The following THSD7A variants were observed in gnomAD, a reference collection of about 807,000 sequenced individuals.
THSD7A encodes the protein thrombospondin type-1 domain-containing protein 7A.
In THSD7A, 96 loss-of-function variants were observed where a neutral mutation model predicts 231.3. That is an observed-to-expected ratio of 0.41 (90% confidence interval 0.35 to 0.49). The LOEUF is 0.49. Ranked by LOEUF, THSD7A falls within the 20% of genes least tolerant of loss-of-function variation. The pLI, the probability that THSD7A is intolerant of heterozygous loss-of-function variation, is 0.05. For missense variants in THSD7A, 2,290 were observed against 2,070.2 expected, an observed-to-expected ratio of 1.11 and a Z score of -2.06; for synonymous variants, 940 against 743.3, an observed-to-expected ratio of 1.26 and a Z score of -4.30.
intron 1 of THSD7A, among the ~76,000 whole-genome samples, chr7:11,647,535 G>A (rs987711182): frequency 6.6e-6 from 1 of 152,036 alleles, no homozygotes; most frequent in Non-Finnish European, 1.5e-5. Context: ...TGAGTATGTA[G>A]AAAGTCCAGT....
intron 2 of THSD7A, among the ~76,000 whole-genome samples, chr7:11,624,886 T>C (rs1482986222): frequency 1.3e-5 from 2 of 152,136 alleles, no homozygotes; most frequent in African/African-American, 4.8e-5. Flanking sequence ...ATGTTCTCCT[T>C]CACCTATTTT....
intron 9 of THSD7A, among the ~76,000 whole-genome samples, chr7:11,463,592 T>G (rs996268152): frequency 9.9e-5 from 15 of 152,104 alleles, no homozygotes; most frequent in African/African-American, 3.4e-4. Context: ...CGTTGTGGGG[T>G]GTCGTCTGTA....
intron 6 of THSD7A, among the ~76,000 whole-genome samples, chr7:11,517,451 A>C (rs1323536141): frequency 1.3e-5 from 2 of 151,908 alleles, no homozygotes; most frequent in Non-Finnish European, 2.9e-5. Context: ...TGCCCTCCTG[A>C]AACAGGGAAT....
At chr7:11,415,112 C>T (rs79214984) in intron 17 of THSD7A, among the ~76,000 whole-genome samples, 6,221 of 152,328 alleles carry the variant, frequency 0.041, 190 homozygotes, top group Non-Finnish European at 0.062. Flanking sequence ...TACTCTTGTG[C>T]AATCACTGAG....
chr7:11,496,568 A>G (rs1787108833), intron 6 of THSD7A, among the ~76,000 whole-genome samples: 1 of 152,142 alleles, frequency 6.6e-6, no homozygotes, highest in Non-Finnish European at 1.5e-5. Context: ...TACAGAGATG[A>G]TAGATATTCC....
intron 13 of THSD7A, among the ~76,000 whole-genome samples, chr7:11,429,434 T>C (rs1281800198): frequency 6.6e-6 from 1 of 152,206 alleles, no homozygotes; most frequent in Non-Finnish European, 1.5e-5. Flanking sequence ...TGCCATATCA[T>C]TCTCATGCTG....
chr7:11,579,515 G>C (rs1015084224), intron 4 of THSD7A, among the ~76,000 whole-genome samples: 2 of 152,176 alleles, frequency 1.3e-5, no homozygotes, highest in Non-Finnish European at 2.9e-5. Context: ...TCCCTTGATA[G>C]TGTCAGGTTA....
chr7:11,475,732 G>A (rs1057031516), intron 7 of THSD7A, among the ~76,000 whole-genome samples: 6 of 150,346 alleles, frequency 4.0e-5, no homozygotes, highest in Non-Finnish European at 8.9e-5. Context: ...TGTAAAAATT[G>A]AACAAGTTAA....
chr7:11,408,084 T>A (rs1415523485), intron 19 of THSD7A, among the ~76,000 whole-genome samples: 1 of 152,198 alleles, frequency 6.6e-6, no homozygotes, highest in Non-Finnish European at 1.5e-5. Context: ...GATAATAATG[T>A]TGTGCCATTT....
At chr7:11,482,115 G>A (rs1426373232) in intron 6 of THSD7A, 133 bp from the exon 7 acceptor site, 1 of 930,416 alleles carries the variant, frequency 1.1e-6, no homozygotes, top group Admixed American at 2.9e-5. Context: ...AGCCAAAAGA[G>A]GGATTGCCTA....
intron 1 of THSD7A, among the ~76,000 whole-genome samples, chr7:11,653,448 ATGTGTGTGTGTGTGTGTGTG>A (rs60933989): frequency 8.7e-5 from 11 of 127,132 alleles, no homozygotes; most frequent in African/African-American, 1.2e-4. Flanking sequence ...ACTCCCAGAT[ATGTGTGTGTGTGTGTGTGTG>A]TGTGTGTGTG....
chr7:11,624,386 T>A (rs1380856872), intron 2 of THSD7A, among the ~76,000 whole-genome samples: 7 of 152,100 alleles, frequency 4.6e-5, no homozygotes, highest in Non-Finnish European at 8.8e-5. Flanking sequence ...AGGCTTCTTT[T>A]CAAAAGTTAT....
intron 1 of THSD7A, among the ~76,000 whole-genome samples, chr7:11,654,182 T>G (rs1475043979): frequency 6.6e-6 from 1 of 151,938 alleles, no homozygotes; most frequent in Non-Finnish European, 1.5e-5. Flanking sequence ...CACTTCCAAG[T>G]TTCTTAAGAA....
In THSD7A at chr7:11,407,054, T is replaced by G. The variant is rs758208716; in HGVS notation, c.3918A>C (p.Gly1306=). Residue 1306 remains glycine (G), a splice_region_variant and synonymous_variant, in exon 21 of 28, where the codon GGA becomes GGC. Coordinates refer to ENST00000423059, the MANE Select transcript of THSD7A (RefSeq NM_015204.3). ...TCACTGTTCGTCTTCGGATCATTTT[T>G]CCTTGAAGAGATACAAAGTGATGCA... ...SECSQTCGLT[G]KMIRRRTVTQ... 1 of 1,613,678 alleles carries G rather than the reference T, an allele frequency of 6.2e-7. No homozygotes were observed. Among genetic ancestry groups the G allele is most frequent in the South Asian group, 1.1e-5 (1 of 90,996 alleles).
intron 6 of THSD7A, among the ~76,000 whole-genome samples, chr7:11,538,356 G>C (rs1338953948): frequency 6.6e-6 from 1 of 151,642 alleles, no homozygotes; most frequent in East Asian, 1.9e-4. Flanking sequence ...CATTTTTTTT[G>C]GCAGAGGAGA....
At chr7:11,775,201 T>C (rs1783361972) in intron 1 of THSD7A, among the ~76,000 whole-genome samples, 1 of 152,172 alleles carries the variant, frequency 6.6e-6, no homozygotes, top group South Asian at 2.1e-4. Flanking sequence ...AAATAACAAG[T>C]GTTAATAAGG....
intron 1 of THSD7A, among the ~76,000 whole-genome samples, chr7:11,650,683 G>A (rs1782464853): frequency 6.6e-6 from 1 of 152,010 alleles, no homozygotes; most frequent in Non-Finnish European, 1.5e-5. Context: ...TTGCATCTGT[G>A]TGAATCTGGT....
chr7:11,623,103 T>A (rs1562777289), intron 2 of THSD7A, among the ~76,000 whole-genome samples: 1 of 152,142 alleles, frequency 6.6e-6, no homozygotes. Flanking sequence ...ACTATCTAAA[T>A]TAGAAGGTAG....
At chr7:11,562,694 A>G (rs1232812837) in intron 4 of THSD7A, among the ~76,000 whole-genome samples, 4 of 152,230 alleles carry the variant, frequency 2.6e-5, no homozygotes, top group Non-Finnish European at 5.9e-5. Context: ...AAATAAAATT[A>G]GTTACAAATG....
Sources: gnomAD v4.1 joint callset for allele counts (sites outside exome capture counted in the v4.1 genomes callset) on GRCh38, gnomAD v4.1.1 for gene constraint, MANE v1.5 for transcripts, NCBI Gene and HGNC (gene_info 2026-07-23, HGNC 2026-07-21) for gene names.